GREB1L: variants seen among roughly 807,000 people sequenced by gnomAD.
GREB1L encodes the protein GREB1-like protein.
GREB1L carries 17 observed loss-of-function variants against 200.8 expected under a neutral mutation model. The observed-to-expected ratio is 0.08, with a 90% confidence interval of 0.06 to 0.13. The LOEUF (loss-of-function observed/expected upper bound fraction) is 0.13. GREB1L is among the 10% of genes least tolerant of loss of function. The pLI, the probability that GREB1L is intolerant of heterozygous loss-of-function variation, is 1.00. For synonymous variants in GREB1L, 789 were observed against 893.0 expected, an observed-to-expected ratio of 0.88 and a Z score of 2.08; for missense variants, 1,657 against 2,367.7, an observed-to-expected ratio of 0.70 and a Z score of 6.23.
intron 10 of GREB1L, 48 bp from the exon 11 acceptor site, chr18:21,444,176 C>T (rs551841016): frequency 2.8e-5 from 38 of 1,362,016 alleles, no homozygotes; most frequent in Middle Eastern, 1.8e-4. Context: ...CCTGGTTGGA[C>T]CATAAAAAGA....
intron 18 of GREB1L, 58 bp downstream of exon 18, chr18:21,485,811 T>C (rs2036106200): frequency 6.6e-7 from 1 of 1,512,620 alleles, no homozygotes; most frequent in African/African-American, 1.4e-5. Flanking sequence ...AGATCTAAAA[T>C]AGCCAAAAGC....
intron 1 of GREB1L, among the ~76,000 whole-genome samples, chr18:21,344,672 C>G (rs1314655496): frequency 1.3e-5 from 2 of 152,186 alleles, no homozygotes; most frequent in Non-Finnish European, 2.9e-5. Context: ...CTAAAGATTT[C>G]AAAATCTAAA....
At chr18:21,349,827 T>G (rs1253687008) in intron 1 of GREB1L, among the ~76,000 whole-genome samples, 1 of 152,118 alleles carries the variant, frequency 6.6e-6, no homozygotes, top group African/African-American at 2.4e-5. Context: ...TATATTCCAA[T>G]GCAATAATAA....
chr18:21,412,841 A>ACC (rs34773407), intron 7 of GREB1L, among the ~76,000 whole-genome samples: 37 of 145,942 alleles, frequency 2.5e-4, no homozygotes, highest in African/African-American at 7.8e-4. Context: ...TGGATTTACC[A>ACC]CCCCCCCCCA....
chr18:21,416,534 T>G (rs905744810), intron 7 of GREB1L, among the ~76,000 whole-genome samples: 2 of 151,316 alleles, frequency 1.3e-5, no homozygotes, highest in Admixed American at 6.6e-5. Flanking sequence ...CTCCTAAATA[T>G]ACAAAAAATT....
intron 1 of GREB1L, among the ~76,000 whole-genome samples, chr18:21,274,310 G>T (rs1403784872): frequency 6.6e-6 from 1 of 152,100 alleles, no homozygotes; most frequent in Non-Finnish European, 1.5e-5. Context: ...CCATCACCTT[G>T]GGGGTTAGGA....
intron 1 of GREB1L, among the ~76,000 whole-genome samples, chr18:21,284,674 T>A (rs2144500069): frequency 6.6e-6 from 1 of 152,320 alleles, no homozygotes; most frequent in African/African-American, 2.4e-5. Flanking sequence ...ATGTTTTCAT[T>A]TCTCTTGGAC....
At chr18:21,386,317 A>G (rs1163872900) in intron 4 of GREB1L, among the ~76,000 whole-genome samples, 1 of 152,044 alleles carries the variant, frequency 6.6e-6, no homozygotes, top group South Asian at 2.1e-4. Context: ...TTTGAGACGG[A>G]GTCTCACTGT....
At chr18:21,446,557 G>A (rs1198595691) in intron 11 of GREB1L, among the ~76,000 whole-genome samples, 5 of 152,142 alleles carry the variant, frequency 3.3e-5, no homozygotes, top group East Asian at 3.9e-4. Flanking sequence ...TAGGCCTCTC[G>A]ATATACATGA....
intron 7 of GREB1L, among the ~76,000 whole-genome samples, chr18:21,423,215 A>G (rs2032300784): frequency 6.6e-6 from 1 of 152,224 alleles, no homozygotes; most frequent in South Asian, 2.1e-4. Flanking sequence ...AGGATGAGCC[A>G]CCATGCCTGG....
rs540550649 is a variant in GREB1L, at chr18:21,525,884, T to C, written c.*3063T>C. ...TTAAAAGAATTTGACATAGATTCCA[T>C]GAAAACAATCTTCTAGGCCAAAGGA... On this transcript the variant is annotated 3_prime_UTR_variant, in exon 33 of 33. Transcript: ENST00000424526. Among the ~76,000 whole-genome samples, 3 of 152,316 alleles carry C rather than the reference T, an allele frequency of 2.0e-5. No individual in the cohort carries two copies. In the East Asian group the frequency reaches 5.8e-4, roughly 29 times the overall value.
At chr18:21,411,293 G>A (rs369199739) in intron 7 of GREB1L, among the ~76,000 whole-genome samples, 2 of 151,510 alleles carry the variant, frequency 1.3e-5, no homozygotes, top group Non-Finnish European at 2.9e-5. Context: ...TGCAAGCCCC[G>A]CCTCCCGGGT....
chr18:21,358,222 AT>A (rs914305041), intron 1 of GREB1L, among the ~76,000 whole-genome samples: 1 of 151,954 alleles, frequency 6.6e-6, no homozygotes, highest in East Asian at 1.9e-4. Context: ...TATAAATAAG[AT>A]TTTTTTCCAT....
rs540125880 is a variant in GREB1L at position 21,499,624 on chromosome 18, C to T, written c.3392-105C>T. 3.1e-5 allele frequency: 23 copies of T among 747,004 alleles called. No homozygotes were observed. In the Middle Eastern group the frequency reaches 8.0e-4, roughly 26 times the overall value. The allele number at this position is 747,004 out of a possible 1,614,324, so 46.3% of individuals were successfully genotyped here. On this transcript the variant is annotated intron_variant, in intron 21 of 32. Coordinates refer to ENST00000424526, the MANE Select transcript of GREB1L (RefSeq NM_001142966.3). ...ATTTCTTGCTCAGGGTCTGCAGCCG[C>T]GGAGCCGAGCCCAGTGTCCACTGCT...
intron 1 of GREB1L, among the ~76,000 whole-genome samples, chr18:21,247,671 C>T (rs2037630315): frequency 6.6e-6 from 1 of 152,110 alleles, no homozygotes; most frequent in South Asian, 2.1e-4. Flanking sequence ...TAATTACCAA[C>T]CTTCTGGATA....
chr18:21,482,692 G>GT (rs2035970433), intron 17 of GREB1L, among the ~76,000 whole-genome samples: 1 of 140,114 alleles, frequency 7.1e-6, no homozygotes, highest in Non-Finnish European at 1.5e-5. Flanking sequence ...GAAGCAGCTG[G>GT]TGTGGTTAGA....
chr18:21,497,684 GA>G (rs1404340840), intron 21 of GREB1L, among the ~76,000 whole-genome samples: 3 of 151,342 alleles, frequency 2.0e-5, no homozygotes, highest in Non-Finnish European at 4.4e-5. Context: ...AAAAAAGAAA[GA>G]AGAAAGAAAA....
At chr18:21,422,885 A>C (rs1433840212) in intron 7 of GREB1L, among the ~76,000 whole-genome samples, 1 of 152,114 alleles carries the variant, frequency 6.6e-6, no homozygotes, top group Non-Finnish European at 1.5e-5. Flanking sequence ...AATTGAGTTT[A>C]TTTATTGAAC....
intron 5 of GREB1L, among the ~76,000 whole-genome samples, chr18:21,399,262 A>G (rs1285885479): frequency 6.6e-6 from 1 of 152,202 alleles, no homozygotes; most frequent in Non-Finnish European, 1.5e-5. Flanking sequence ...TGGGTGTGGC[A>G]TATCTACTTC....
Sources: allele counts gnomAD v4.1 joint callset (sites outside exome capture counted in the v4.1 genomes callset), GRCh38; gene constraint gnomAD v4.1.1; transcripts MANE v1.5; gene names NCBI Gene and HGNC (gene_info 2026-07-23, HGNC 2026-07-21).